Variants in PTCH2 observed in about 807,000 individuals in gnomAD.
PTCH2 encodes the protein protein patched homolog 2.
Under a neutral mutation model 117.9 loss-of-function variants are expected in PTCH2, and 96 were observed. The ratio of observed to expected loss-of-function variants is 0.81; its 90% CI spans 0.69 to 0.96. The LOEUF is 0.96. PTCH2 is among the 50% of genes least tolerant of loss of function. The pLI is 0.00. For synonymous variants in PTCH2, 615 were observed against 660.9 expected, an observed-to-expected ratio of 0.93 and a Z score of 1.06; for missense variants, 1,379 against 1,562.5, an observed-to-expected ratio of 0.88 and a Z score of 1.98.
Position 44,832,226 on chromosome 1 carries a change from G to A in PTCH2, c.381C>T (p.Leu127=), listed in dbSNP as rs760767889. 6.2e-7 allele frequency: 1 copy of A among 1,614,194 alleles called. No individual in the cohort carries two copies. Among genetic ancestry groups the A allele is most frequent in the Non-Finnish European group, 8.5e-7 (1 of 1,180,042 alleles). ...QTARQEGENI[L]TPEALGLHLQ... is the part of the protein sequence containing the mutation. ...GGTGGAGGCCAAGTGCTTCGGGTGT[G>A]AGGATGTTCTCTCCCTCCTGGCGTG... Residue 127 remains leucine (L), a synonymous_variant, in exon 3 of 22, where the codon CTC becomes CTT. Coordinates refer to ENST00000372192, the MANE Select transcript of PTCH2 (RefSeq NM_003738.5).
rs1557646285 is a variant in PTCH2 at position 44,829,949 on chromosome 1, G to A, written c.895C>T (p.Leu299=). 5 of 1,614,030 alleles carry A rather than the reference G, an allele frequency of 3.1e-6. No homozygotes were observed. Among genetic ancestry groups the A allele is most frequent in the Non-Finnish European group, 3.4e-6 (4 of 1,180,008 alleles). Residue 299 remains leucine (L), a synonymous_variant, in exon 7 of 22, where the codon CTG becomes TTG. Transcript: ENST00000372192. ...TGGGGGTCTCTGGCCATGCCTCCCA[G>A]CAGCAATTCCTCCTGCCAGTGCATG... ...KFMHWQEELL[L]GGMARDPQGE...
chr1:44,835,676 A>G (rs1054834428), intron 2 of PTCH2, among the ~76,000 whole-genome samples: 3 of 152,180 alleles, frequency 2.0e-5, no homozygotes, highest in African/African-American at 7.2e-5. Flanking sequence ...TCTAGGTGAA[A>G]TGGGAGTCAT....
intron 2 of PTCH2, among the ~76,000 whole-genome samples, chr1:44,835,034 G>T (rs1653623071): frequency 6.6e-6 from 1 of 152,192 alleles, no homozygotes; most frequent in Non-Finnish European, 1.5e-5. Context: ...AAATAGGACA[G>T]AGGAGGGAGA....
chr1:44,842,365 C>T (rs923046404), intron 1 of PTCH2, among the ~76,000 whole-genome samples: 2 of 150,294 alleles, frequency 1.3e-5, no homozygotes, highest in South Asian at 2.1e-4. Flanking sequence ...CTGCAACCTC[C>T]GCCTCCCAGG....
At position 44,828,535 on chromosome 1, in the gene PTCH2, T is replaced by C; in HGVS notation, c.1561A>G (p.Ile521Val). 1.2e-6 allele frequency: 2 copies of C among 1,614,012 alleles called. No homozygotes were observed. The highest frequency in any genetic ancestry group is 2.2e-5 in the South Asian group (2 of 91,074). The change falls in exon 12 of 22, where the codon ATC becomes GTC. Residue 521 changes from isoleucine to valine, a missense_variant. Coordinates refer to ENST00000372192, the MANE Select transcript of PTCH2 (RefSeq NM_003738.5). The part of the protein sequence containing the change: ...AAFLMAALVP[I>V]PALRAFSLQA... ...AGGGAGAAGGCTCGCAGCGCAGGGA[T>C]GGGAACGAGGGCAGCCATGAGGAAG...
At chr1:44,832,366 G>T (rs370259580) in intron 2 of PTCH2, 25 bp from the exon 3 acceptor site, 10 of 1,611,962 alleles carry the variant, frequency 6.2e-6, no homozygotes, top group African/African-American at 1.3e-5. Flanking sequence ...AGAGAAAGCT[G>T]GGGGGGAAAG....
chr1:44,825,420 A>G (rs964767237), intron 19 of PTCH2, among the ~76,000 whole-genome samples: 3 of 152,110 alleles, frequency 2.0e-5, no homozygotes, highest in Admixed American at 6.5e-5. Flanking sequence ...TTACAGGCGT[A>G]AGCCACCTCA....
intron 2 of PTCH2, among the ~76,000 whole-genome samples, chr1:44,836,855 G>A (rs1392579828): frequency 6.6e-6 from 1 of 152,170 alleles, no homozygotes; most frequent in African/African-American, 2.4e-5. Context: ...CAGAGAAAGA[G>A]GCAGGAGTAC....
rs936658579 is a variant in PTCH2 at position 44,823,534 on chromosome 1, C to T, written c.3115-149G>A. On this transcript the variant is annotated intron_variant, in intron 19 of 21. Transcript: ENST00000372192. The surrounding 1 kb of genome is among the most constrained non-coding windows in gnomAD (Gnocchi z 5.1). ...AAGTTCATGGGAACTGTACAGGGAG[C>T]ATGCGTGAGTCCTTTTAGGTAACAC... 8 of 1,058,578 alleles carry T rather than the reference C, an allele frequency of 7.6e-6. No homozygotes were observed. In the East Asian group the frequency reaches 7.7e-5, roughly 10 times the overall value. 65.6% of individuals were successfully genotyped at this position (1,058,578 alleles called of 1,614,324 possible).
chr1:44,841,909 G>A lies in PTCH2; in HGVS notation c.203C>T (p.Ala68Val). The change falls in exon 2 of 22, where the codon GCC becomes GTC. Residue 68 changes from alanine (A) to valine (V), a missense_variant. Coordinates refer to ENST00000372192, the MANE Select transcript of PTCH2 (RefSeq NM_003738.5). The stretch of plus-strand genomic sequence containing the variant: ...GGCCATGCGGAGACCTAATGCCAGG[G>A]CCCCAAAGGCCAACAGTCCCAGAAA... The part of the protein sequence containing the change: ...VLFLGLLAFG[A>V]LALGLRMAII... 4 of 1,614,186 alleles carry A rather than the reference G, an allele frequency of 2.5e-6. No homozygotes were observed. The highest frequency in any genetic ancestry group is 3.4e-6 in the Non-Finnish European group (4 of 1,180,034).
At position 44,832,345 on chromosome 1, in the gene PTCH2, C is replaced by T; in HGVS notation, c.266-4G>A. The T allele has an allele frequency of 1.2e-6, 2 of 1,613,960 alleles. No homozygotes were observed. Among genetic ancestry groups the T allele is most frequent in the Non-Finnish European group, 1.7e-6 (2 of 1,180,018 alleles). Reference sequence around the variant, plus strand: ...TCCTGGCTCACCCGGCTGCCCACTGCCAGAGCAAACAGAGAAAGCTGGGGG... The same window carrying T: ...TCCTGGCTCACCCGGCTGCCCACTGTCAGAGCAAACAGAGAAAGCTGGGGG... On this transcript the variant is annotated splice_region_variant and splice_polypyrimidine_tract_variant and intron_variant, in intron 2 of 21. Coordinates refer to ENST00000372192, the MANE Select transcript of PTCH2 (RefSeq NM_003738.5).
At chr1:44,827,142 T>C (rs759481501) in intron 16 of PTCH2, 25 bp downstream of exon 16, 18 of 1,613,878 alleles carry the variant, frequency 1.1e-5, no homozygotes, top group Non-Finnish European at 1.4e-5. Context: ...CCTGTACTAG[T>C]GGACCCCTCC....
At chr1:44,832,395 C>A in intron 2 of PTCH2, 54 bp from the exon 3 acceptor site, 1 of 1,595,278 alleles carries the variant, frequency 6.3e-7, no homozygotes, top group Non-Finnish European at 8.6e-7. Flanking sequence ...CGGGTCAGAA[C>A]TTGGGAAGGG....
chr1:44,830,201 G>A (rs890820160), intron 6 of PTCH2, among the ~76,000 whole-genome samples, 171 bp from the exon 7 acceptor site: 9 of 150,642 alleles, frequency 6.0e-5, no homozygotes, highest in East Asian at 6.0e-4. Context: ...CTAGTATCCC[G>A]CAGACAGGAA....
At chr1:44,838,007 G>A (rs566892988) in intron 2 of PTCH2, among the ~76,000 whole-genome samples, 162 of 151,528 alleles carry the variant, frequency 1.1e-3, no homozygotes, top group African/African-American at 3.8e-3. Context: ...GCGTGAACCC[G>A]GGAGATGGAG....
At chr1:44,839,612 G>A (rs1653852633) in intron 2 of PTCH2, among the ~76,000 whole-genome samples, 1 of 152,142 alleles carries the variant, frequency 6.6e-6, no homozygotes, top group African/African-American at 2.4e-5. Flanking sequence ...AGAATGTGGG[G>A]AATGGAGAGG....
In PTCH2 at chr1:44,839,765, G is replaced by C. The variant is rs562593216; in HGVS notation, c.265+2082C>G. On this transcript the variant is annotated intron_variant, in intron 2 of 21. Transcript: ENST00000372192. ...TCCTGGGGCTGGGGGCAGGCAGGCA[G>C]AGCGAGACATCTGCTCTGGACCCCA... 5.9e-5 allele frequency among the ~76,000 whole-genome samples: 9 copies of C among 152,260 alleles called. No homozygotes were observed. The South Asian group carries it at 1.7e-3, about 28-fold the overall frequency.
chr1:44,822,355 C>G lies in PTCH2; in HGVS notation c.*60G>C, dbSNP rs1488921073. ...GTCCATCCTGCGTCTAACACCAGAC[C>G]CAGTGCTTCCCAGTGACCCCACACG... On this transcript the variant is annotated 3_prime_UTR_variant, in exon 22 of 22. Transcript: ENST00000372192. 72 of 1,610,096 alleles carry G rather than the reference C, an allele frequency of 4.5e-5. No individual in the cohort carries two copies. Among genetic ancestry groups the G allele is most frequent in the Non-Finnish European group, 5.8e-5 (69 of 1,179,982 alleles).
chr1:44,832,430 A>T, intron 2 of PTCH2, 89 bp from the exon 3 acceptor site: 1 of 1,375,416 alleles, frequency 7.3e-7, no homozygotes, highest in Non-Finnish European at 1.0e-6. Flanking sequence ...AGGCCTCCCC[A>T]GACAAGTGGG....
Sources: allele counts gnomAD v4.1 joint callset (sites outside exome capture counted in the v4.1 genomes callset), GRCh38; gene constraint gnomAD v4.1.1; non-coding constraint Gnocchi (gnomAD v3.1); transcripts MANE v1.5; gene names NCBI Gene and HGNC (gene_info 2026-07-23, HGNC 2026-07-21).